CNTNAP2: variants seen among roughly 807,000 people sequenced by gnomAD.
CNTNAP2 encodes the protein contactin associated protein 2, also known as contactin-associated protein-like 2.
In CNTNAP2, 98 loss-of-function variants were observed where a neutral mutation model predicts 155.2. That is an observed-to-expected ratio of 0.63 (90% confidence interval 0.54 to 0.75). CNTNAP2 has a LOEUF of 0.75. CNTNAP2 is among the 30% of genes least tolerant of loss of function. The pLI is 0.00. For synonymous variants in CNTNAP2, 651 were observed against 631.2 expected (o/e 1.03, Z -0.47); for missense variants, 1,727 against 1,688.1 (o/e 1.02, Z -0.40).
chr7:147,712,324 G>A (rs922534027), intron 13 of CNTNAP2, among the ~76,000 whole-genome samples: 8 of 152,130 alleles, frequency 5.3e-5, no homozygotes, highest in African/African-American at 1.9e-4. Flanking sequence ...CAACCATTGT[G>A]GAAGACAGTG....
chr7:146,690,100 A>G (rs989347563), intron 1 of CNTNAP2, among the ~76,000 whole-genome samples: 2 of 152,124 alleles, frequency 1.3e-5, no homozygotes, highest in African/African-American at 4.8e-5. Flanking sequence ...TCACATAATT[A>G]CAGGAAATTT....
At chr7:148,210,311 G>T (rs1795523161) in intron 18 of CNTNAP2, among the ~76,000 whole-genome samples, 1 of 152,192 alleles carries the variant, frequency 6.6e-6, no homozygotes, top group Admixed American at 6.5e-5. Context: ...CTGTAGTGAA[G>T]CCCTCATCTC....
chr7:146,683,198 G>A (rs1015689152), intron 1 of CNTNAP2, among the ~76,000 whole-genome samples: 18 of 151,914 alleles, frequency 1.2e-4, no homozygotes, highest in Non-Finnish European at 2.1e-4. Context: ...CATGCCAGCT[G>A]ATTTTTGTAT....
intron 3 of CNTNAP2, among the ~76,000 whole-genome samples, chr7:146,920,600 T>A (rs1796480488): frequency 6.6e-6 from 1 of 152,184 alleles, no homozygotes; most frequent in Admixed American, 6.5e-5. Flanking sequence ...AATCAGATGG[T>A]AAATCATATT....
chr7:146,361,291 C>G (rs1397587874), intron 1 of CNTNAP2, among the ~76,000 whole-genome samples: 1 of 152,110 alleles, frequency 6.6e-6, no homozygotes, highest in African/African-American at 2.4e-5. Context: ...AGAGGGCATA[C>G]TTTTTGTAAA....
chr7:146,728,433 T>TA (rs1276006579), intron 1 of CNTNAP2, among the ~76,000 whole-genome samples: 2 of 152,124 alleles, frequency 1.3e-5, no homozygotes, highest in Admixed American at 6.6e-5. Context: ...CATTGGCACT[T>TA]ACTGGTTTTT....
intron 1 of CNTNAP2, among the ~76,000 whole-genome samples, chr7:146,649,083 A>G (rs145817132): frequency 0.011 from 1,615 of 152,284 alleles, 20 homozygotes; most frequent in South Asian, 0.023. Context: ...TCTTAAGGAA[A>G]CATTGCCTCT....
chr7:146,606,948 C>A (rs1799057864), intron 1 of CNTNAP2, among the ~76,000 whole-genome samples: 1 of 152,104 alleles, frequency 6.6e-6, no homozygotes, highest in Non-Finnish European at 1.5e-5. Context: ...TTTGTATAGT[C>A]ATAAAGTATA....
chr7:146,922,631 GAAA>G (rs1259809112), intron 3 of CNTNAP2, among the ~76,000 whole-genome samples: 6 of 152,134 alleles, frequency 3.9e-5, no homozygotes, highest in Admixed American at 3.9e-4. Context: ...TCTAAAGTTA[GAAA>G]AACAGGATTC....
intron 1 of CNTNAP2, among the ~76,000 whole-genome samples, chr7:146,167,924 C>G (rs146236837): frequency 6.6e-6 from 1 of 152,044 alleles, no homozygotes; most frequent in Non-Finnish European, 1.5e-5. Context: ...GCTGAAGGCC[C>G]GAGATTCCCC....
chr7:147,802,130 C>A (rs1478203384), intron 13 of CNTNAP2, among the ~76,000 whole-genome samples: 1 of 151,028 alleles, frequency 6.6e-6, no homozygotes, highest in South Asian at 2.1e-4. Context: ...CTCCTCACCT[C>A]CCAGACGGGG....
intron 21 of CNTNAP2, among the ~76,000 whole-genome samples, chr7:148,382,299 T>C (rs1001065202): frequency 1.3e-5 from 2 of 152,170 alleles, no homozygotes; most frequent in African/African-American, 4.8e-5. Context: ...CCAGGCTCTC[T>C]CCCTTGAGGC....
At chr7:146,561,458 C>A (rs1798278260) in intron 1 of CNTNAP2, among the ~76,000 whole-genome samples, 2 of 151,988 alleles carry the variant, frequency 1.3e-5, no homozygotes, top group South Asian at 4.2e-4. Context: ...AGTTCCAGAC[C>A]AGCCTAGGCA....
chr7:146,264,775 A>G (rs1057411906), intron 1 of CNTNAP2, among the ~76,000 whole-genome samples: 1 of 152,204 alleles, frequency 6.6e-6, no homozygotes, highest in African/African-American at 2.4e-5. Context: ...AATGTGAGAG[A>G]GGCAGATCGT....
intron 11 of CNTNAP2, among the ~76,000 whole-genome samples, chr7:147,513,490 G>A (rs753510791): frequency 2.6e-5 from 4 of 152,208 alleles, no homozygotes; most frequent in Non-Finnish European, 5.9e-5. Flanking sequence ...TACTCACCTC[G>A]CTGGGGATTG....
At position 146,913,556 on chromosome 7, in the gene CNTNAP2, C is replaced by T. The variant is rs79233859; in HGVS notation, c.402+73652C>T. Among the ~76,000 whole-genome samples, 1,223 of 152,076 alleles carry T rather than the reference C, an allele frequency of 8.0e-3. 18 individuals are homozygous for T. The highest frequency in any genetic ancestry group is 0.027 in the African/African-American group (1,122 of 41,474). On this transcript the variant is annotated intron_variant, in intron 3 of 23. Transcript: ENST00000361727. ...CATGGTTGAGTTTTTGGTGGTGGCC[C>T]TCTTTCGGCAAGGAGACTGCCAACT...
chr7:148,072,997 C>T (rs1803409655), intron 15 of CNTNAP2, among the ~76,000 whole-genome samples: 1 of 152,124 alleles, frequency 6.6e-6, no homozygotes, highest in African/African-American at 2.4e-5. Flanking sequence ...TGTGAGCCAC[C>T]GTGCCTGGCC....
At chr7:147,286,716 T>A (rs984142858) in intron 8 of CNTNAP2, among the ~76,000 whole-genome samples, 1 of 152,130 alleles carries the variant, frequency 6.6e-6, no homozygotes, top group Non-Finnish European at 1.5e-5. Flanking sequence ...CTTCTCAATA[T>A]ACACCACTAT....
chr7:147,395,365 G>GACAGT (rs946331778), intron 9 of CNTNAP2, among the ~76,000 whole-genome samples: 1 of 151,950 alleles, frequency 6.6e-6, no homozygotes, highest in Admixed American at 6.6e-5. Context: ...AAATTTGAGT[G>GACAGT]ACAGTAGACC....
Sources: allele counts gnomAD v4.1 joint callset (sites outside exome capture counted in the v4.1 genomes callset), GRCh38; gene constraint gnomAD v4.1.1; transcripts MANE v1.5; gene names NCBI Gene and HGNC (gene_info 2026-07-23, HGNC 2026-07-21).